The following ABCB9 variants were observed in gnomAD, a reference collection of about 807,000 sequenced individuals.
The protein encoded by ABCB9 is ATP binding cassette subfamily B member 9, also known as ABC-type oligopeptide transporter ABCB9.
ABCB9 carries 36 observed loss-of-function variants against 62.0 expected under a neutral mutation model. That is an observed-to-expected ratio of 0.58 (90% CI 0.45 to 0.77). The LOEUF is 0.77. ABCB9 is among the 30% of genes least tolerant of loss of function. The pLI is 0.00. For missense variants in ABCB9, 943 were observed against 1,054.7 expected (o/e 0.89, Z 1.47); for synonymous variants, 435 against 461.4 (o/e 0.94, Z 0.73).
upstream of ABCB9, among the ~76,000 whole-genome samples, chr12:122,970,050 A>C (rs1336806422): frequency 6.6e-6 from 1 of 152,156 alleles, no homozygotes; most frequent in Non-Finnish European, 1.5e-5. Context: ...ACGTCTACAG[A>C]AACACCTGTC....
At chr12:122,931,936 T>C (rs1008491156) in intron 11 of ABCB9, 8 of 604,410 alleles carry the variant, frequency 1.3e-5, no homozygotes, top group African/African-American at 1.3e-4. Flanking sequence ...AAGCCACCAC[T>C]CATGACCCAG....
At chr12:122,948,476 G>T in intron 5 of ABCB9, 148 bp downstream of exon 5, 1 of 737,066 alleles carries the variant, frequency 1.4e-6, no homozygotes, top group Non-Finnish European at 2.0e-6. Context: ...ATTATTTATT[G>T]AATGAGCGAA....
chr12:122,959,523 C>A lies in ABCB9; in HGVS notation c.601+112G>T. 1 of 1,484,218 alleles carries A rather than the reference C, an allele frequency of 6.7e-7. No individual in the cohort carries two copies. The highest frequency in any genetic ancestry group is 1.4e-5 in the South Asian group (1 of 70,786). 91.9% of individuals were successfully genotyped at this position (1,484,218 alleles called of 1,614,324 possible). On this transcript the variant is annotated intron_variant, in intron 2 of 11. Transcript: ENST00000280560. This position sits in a 1 kb window ranked among gnomAD's most constrained non-coding sequence, Gnocchi z 5.4. ...ACTATGCCTGGCCTCTTTTCCTTTT[C>A]ATATCAATTTGATGTCTGAACCACG...
downstream of ABCB9, chr12:122,924,761 G>A (rs2034844542): frequency 6.5e-7 from 1 of 1,534,410 alleles, no homozygotes; most frequent in South Asian, 1.2e-5. Flanking sequence ...CAACTGTGCT[G>A]TTCCCAAAGC....
chr12:122,921,725 G>A (rs1048111951), intron 11 of ABCB9, among the ~76,000 whole-genome samples: 4 of 151,962 alleles, frequency 2.6e-5, no homozygotes, highest in Admixed American at 1.3e-4. Flanking sequence ...TGCAGTGAGC[G>A]GAGATCGCGC....
Position 122,940,386 on chromosome 12 carries a change from A to T in ABCB9, c.1570-102T>A. 1 of 1,377,890 alleles carries T rather than the reference A, an allele frequency of 7.3e-7. No homozygotes were observed. Among genetic ancestry groups the T allele is most frequent in the Non-Finnish European group, 9.8e-7 (1 of 1,022,668 alleles). 85.4% of individuals were successfully genotyped at this position (1,377,890 alleles called of 1,614,324 possible). On this transcript the variant is annotated intron_variant, in intron 8 of 11. Coordinates refer to ENST00000280560, the MANE Select transcript of ABCB9 (RefSeq NM_019625.4). This position sits in a 1 kb window ranked among gnomAD's most constrained non-coding sequence, Gnocchi z 4.8. ...GTGGGTGCCCTTCCCAGCCCACCCC[A>T]TGTGCCTCTCCCTCGCTTGGGCACT...
intron 7 of ABCB9, among the ~76,000 whole-genome samples, chr12:122,943,054 G>T (rs1393329666): frequency 6.6e-6 from 1 of 152,192 alleles, no homozygotes; most frequent in Non-Finnish European, 1.5e-5. Context: ...CCTGCGGGCT[G>T]CGGGCTTTTT....
In ABCB9 at chr12:122,929,887, A is replaced by G; in HGVS notation, c.*24T>C. ...AGGCAGGCACCGGGTCCTCTGCCCC[A>G]CCGGGAGAAGCAGGGGCCCCCCATC... On this transcript the variant is annotated 3_prime_UTR_variant, in exon 12 of 12. Coordinates refer to ENST00000280560, the MANE Select transcript of ABCB9 (RefSeq NM_019625.4). This position sits in a 1 kb window ranked among gnomAD's most constrained non-coding sequence, Gnocchi z 6.0. 6.6e-7 allele frequency: 1 copy of G among 1,513,374 alleles called. No individual in the cohort carries two copies. Among genetic ancestry groups the G allele is most frequent in the Non-Finnish European group, 8.8e-7 (1 of 1,131,240 alleles). 93.7% of individuals were successfully genotyped at this position (1,513,374 alleles called of 1,614,324 possible).
At chr12:122,939,817 C>A (rs748338563) in intron 9 of ABCB9, 2 of 280,816 alleles carry the variant, frequency 7.1e-6, no homozygotes, top group African/African-American at 2.2e-5. Flanking sequence ...CAGGTGTGGG[C>A]CATCACATCT....
chr12:122,930,296 T>A lies in ABCB9; in HGVS notation c.2041-125A>T. The stretch of plus-strand genomic sequence containing the variant: ...GCTCAGTTCACAAACGATGGCCAGC[T>A]TCCTGGGTTTTTCTTAAAGGGAGAC... On this transcript the variant is annotated intron_variant, in intron 11 of 11. Coordinates refer to ENST00000280560, the MANE Select transcript of ABCB9 (RefSeq NM_019625.4). The surrounding 1 kb of genome is among the most constrained non-coding windows in gnomAD (Gnocchi z 4.9). 3.0e-6 allele frequency: 3 copies of A among 998,270 alleles called. No individual in the cohort carries two copies. Among genetic ancestry groups the A allele is most frequent in the Non-Finnish European group, 4.3e-6 (3 of 702,100 alleles). 61.8% of individuals were successfully genotyped at this position (998,270 alleles called of 1,614,324 possible). A position where few individuals can be genotyped will look rare whatever the true frequency, so the allele number is the denominator to read the frequency against.
chr12:122,951,008 A>T (rs1247889297), intron 2 of ABCB9: 3 of 123,758 alleles, frequency 2.4e-5, no homozygotes, highest in South Asian at 2.6e-4. Flanking sequence ...TGCCAGGCTA[A>T]TTTTTTTTTT....
Position 122,933,660 on chromosome 12 carries a change from A to T in ABCB9, c.1904-1332T>A, listed in dbSNP as rs947535257. The stretch of plus-strand genomic sequence containing the variant: ...AAAACACTATTCTAAAATAATATAT[A>T]TTTATTATATCAATTAATTACTAGA... On this transcript the variant is annotated intron_variant, in intron 10 of 11. Transcript: ENST00000280560. 3.9e-5 allele frequency among the ~76,000 whole-genome samples: 6 copies of T among 152,154 alleles called. No homozygotes were observed. The South Asian group carries it at 1.2e-3, about 32-fold the overall frequency.
At chr12:122,970,022 C>T (rs1262881346), upstream of ABCB9, among the ~76,000 whole-genome samples, 2 of 152,134 alleles carry the variant, frequency 1.3e-5, no homozygotes, top group African/African-American at 4.8e-5. Flanking sequence ...GATATTTACC[C>T]AGAGGAAGTA....
chr12:122,942,307 G>T (rs2035802580), intron 7 of ABCB9, among the ~76,000 whole-genome samples: 1 of 151,972 alleles, frequency 6.6e-6, no homozygotes, highest in Non-Finnish European at 1.5e-5. Flanking sequence ...CCCAGAGCTG[G>T]CCGGGCACAG....
At chr12:122,923,525 G>A (rs549918700) in intron 11 of ABCB9, among the ~76,000 whole-genome samples, 3 of 152,124 alleles carry the variant, frequency 2.0e-5, no homozygotes, top group Non-Finnish European at 4.4e-5. Flanking sequence ...TCCTGACCTC[G>A]TGATCCGCCC....
rs1372439984 is a variant in ABCB9, at chr12:122,960,105, A to G, written c.131T>C (p.Phe44Ser). The change falls in exon 2 of 12, where the codon TTT becomes TCT. Residue 44 changes from phenylalanine (F) to serine (S), a missense_variant. By Grantham distance (155) the Phe-to-Ser change is radical. Coordinates refer to ENST00000280560, the MANE Select transcript of ABCB9 (RefSeq NM_019625.4). ...TGCCCAGAGATCCAGCACCGAGTCA[A>G]AGATGTTGAAGTGGCGGATGTCCTC... ...LLEDIRHFNIFDSVLDLWAAC... is the reference protein window; with the variant it reads ...LLEDIRHFNISDSVLDLWAAC... 6.2e-7 allele frequency: 1 copy of G among 1,613,528 alleles called. No homozygotes were observed. The highest frequency in any genetic ancestry group is 8.5e-7 in the Non-Finnish European group (1 of 1,180,044).
At chr12:122,946,555 C>G (rs1229591601) in intron 5 of ABCB9, 4 of 341,960 alleles carry the variant, frequency 1.2e-5, no homozygotes, top group African/African-American at 2.1e-5. Context: ...AGAAAAGGGG[C>G]CTCAACACCT....
intron 11 of ABCB9, among the ~76,000 whole-genome samples, chr12:122,921,622 C>CA (rs1382526692): frequency 6.6e-6 from 1 of 151,870 alleles, no homozygotes; most frequent in African/African-American, 2.4e-5. Context: ...ATTAAAAATA[C>CA]AAAAATCAGC....
intron 4 of ABCB9, 125 bp from the exon 5 acceptor site, chr12:122,948,954 G>A: frequency 1.4e-6 from 1 of 707,804 alleles, no homozygotes; most frequent in Non-Finnish European, 2.2e-6. Context: ...GGGCGGGGTT[G>A]GGGGGTGGGG....
Sources: gnomAD v4.1 joint callset for allele counts (sites outside exome capture counted in the v4.1 genomes callset) on GRCh38, gnomAD v4.1.1 for gene constraint, Gnocchi (gnomAD v3.1) non-coding constraint, MANE v1.5 for transcripts, NCBI Gene and HGNC (gene_info 2026-07-23, HGNC 2026-07-21) for gene names.